PHF20: variants seen among roughly 807,000 people sequenced by gnomAD.
PHF20 encodes the protein glioma-expressed antigen 2.
Under a neutral mutation model 113.5 loss-of-function variants are expected in PHF20, and 23 were observed. The observed-to-expected ratio is 0.20, with a 90% confidence interval of 0.15 to 0.29. The LOEUF (loss-of-function observed/expected upper bound fraction) is 0.29. PHF20 is among the 10% of genes least tolerant of loss of function. The pLI is 1.00. For missense variants in PHF20, 943 were observed against 1,219.6 expected, an observed-to-expected ratio of 0.77 and a Z score of 3.38; for synonymous variants, 434 against 457.3, an observed-to-expected ratio of 0.95 and a Z score of 0.65.
chr20:35,913,380 T>A (rs890359123), intron 11 of PHF20, 33 bp downstream of exon 11: 2 of 1,434,064 alleles, frequency 1.4e-6, no homozygotes, highest in African/African-American at 2.8e-5. Context: ...TCACTTAGGT[T>A]TCCTTACTAT....
chr20:35,893,058 C>T (rs2054905575), intron 9 of PHF20, among the ~76,000 whole-genome samples: 1 of 152,250 alleles, frequency 6.6e-6, no homozygotes, highest in African/African-American at 2.4e-5. Flanking sequence ...TCCGTGCTCA[C>T]TTGAGCCTCT....
intron 16 of PHF20, among the ~76,000 whole-genome samples, chr20:35,939,871 C>T (rs928831733): frequency 6.6e-6 from 1 of 152,184 alleles, no homozygotes; most frequent in African/African-American, 2.4e-5. Context: ...ATTACAAGCC[C>T]CTCAAGGGAG....
intron 2 of PHF20, among the ~76,000 whole-genome samples, chr20:35,833,394 A>G (rs986019949): frequency 6.6e-6 from 1 of 152,102 alleles, no homozygotes; most frequent in African/African-American, 2.4e-5. Flanking sequence ...CAGTTTTGTG[A>G]CTAATTTTGT....
intron 9 of PHF20, among the ~76,000 whole-genome samples, chr20:35,890,892 C>G (rs1352298152): frequency 6.6e-6 from 1 of 151,694 alleles, no homozygotes; most frequent in Non-Finnish European, 1.5e-5. Flanking sequence ...AAAAACAAAA[C>G]AAACAACAAT....
At chr20:35,774,296 C>G (rs965167884) in intron 1 of PHF20, among the ~76,000 whole-genome samples, 1 of 152,016 alleles carries the variant, frequency 6.6e-6, no homozygotes, top group Non-Finnish European at 1.5e-5. Context: ...TGGTCTCGAT[C>G]TCCTGACCTC....
At chr20:35,787,158 A>ATTAT (rs58760101) in intron 1 of PHF20, among the ~76,000 whole-genome samples, 4,572 of 143,882 alleles carry the variant, frequency 0.032, 186 homozygotes, top group African/African-American at 0.1. Context: ...TGCCTGGCTA[A>ATTAT]TTATTTATTT....
chr20:35,922,225 C>G (rs1219960329), intron 13 of PHF20, among the ~76,000 whole-genome samples: 1 of 152,156 alleles, frequency 6.6e-6, no homozygotes, highest in Non-Finnish European at 1.5e-5. Flanking sequence ...GAGTGCCCAC[C>G]TGGCTTTGTG....
At chr20:35,911,788 A>G (rs962449210) in intron 10 of PHF20, among the ~76,000 whole-genome samples, 10 of 151,640 alleles carry the variant, frequency 6.6e-5, no homozygotes. Flanking sequence ...CCTCCCAAGT[A>G]GCTGGGATTA....
chr20:35,798,146 C>G (rs1208177790), intron 1 of PHF20, among the ~76,000 whole-genome samples: 1 of 152,168 alleles, frequency 6.6e-6, no homozygotes, highest in Admixed American at 6.5e-5. Context: ...GGTACCATGG[C>G]TCATGCCTCT....
chr20:35,933,115 T>C (rs2055792561), intron 15 of PHF20, among the ~76,000 whole-genome samples: 1 of 152,174 alleles, frequency 6.6e-6, no homozygotes, highest in African/African-American at 2.4e-5. Flanking sequence ...CTTTTTTTTT[T>C]TTTTAACAAG....
intron 2 of PHF20, among the ~76,000 whole-genome samples, chr20:35,834,225 G>T (rs534163930): frequency 2.0e-5 from 3 of 150,862 alleles, no homozygotes; most frequent in Admixed American, 1.3e-4. Context: ...ATATAGGCAG[G>T]CTGGTTCATT....
chr20:35,857,055 A>C (rs2042842301), intron 4 of PHF20, among the ~76,000 whole-genome samples: 3 of 152,102 alleles, frequency 2.0e-5, no homozygotes, highest in Non-Finnish European at 4.4e-5. Flanking sequence ...TTGTTGTTGC[A>C]TTCTTCGGCT....
intron 1 of PHF20, among the ~76,000 whole-genome samples, chr20:35,792,473 G>C (rs982766702): frequency 6.6e-6 from 1 of 152,220 alleles, no homozygotes; most frequent in South Asian, 2.1e-4. Flanking sequence ...ACAGGCGTGA[G>C]CCACCGTGCC....
intron 2 of PHF20, among the ~76,000 whole-genome samples, chr20:35,832,448 G>A (rs1451774032): frequency 6.6e-6 from 1 of 152,194 alleles, no homozygotes; most frequent in East Asian, 1.9e-4. Context: ...TCCTGGGGAA[G>A]CAGGCCATAA....
At chr20:35,897,234 C>T (rs2055002727) in intron 9 of PHF20, among the ~76,000 whole-genome samples, 1 of 151,696 alleles carries the variant, frequency 6.6e-6, no homozygotes. Context: ...GAGATGGGGT[C>T]TTGCTGAGTT....
chr20:35,872,520 C>CTAAA (rs1158781626), intron 9 of PHF20, among the ~76,000 whole-genome samples: 3 of 152,058 alleles, frequency 2.0e-5, no homozygotes, highest in South Asian at 2.1e-4. Flanking sequence ...GAGACTCAGT[C>CTAAA]TAAATAAATA....
At chr20:35,818,733 CGCTGTGTTGCT>C (rs2042118192) in intron 2 of PHF20, among the ~76,000 whole-genome samples, 1 of 151,924 alleles carries the variant, frequency 6.6e-6, no homozygotes, top group African/African-American at 2.4e-5. Flanking sequence ...GACTGAGTCT[CGCTGTGTTGCT>C]TAGGCTGGTC....
chr20:35,773,145 C>T (rs1409035138), intron 1 of PHF20, among the ~76,000 whole-genome samples: 3 of 152,164 alleles, frequency 2.0e-5, no homozygotes, highest in Non-Finnish European at 4.4e-5. Flanking sequence ...CTTGTGCCCC[C>T]CAAATGTACG....
rs555202768 is a variant in PHF20, at chr20:35,913,357, T to G, written c.1660+10T>G. 18 of 1,573,230 alleles carry G rather than the reference T, an allele frequency of 1.1e-5. No homozygotes were observed. The East Asian group carries it at 3.6e-4, about 31-fold the overall frequency. ...AAGAAAACCAAACCTGGTAATTTTT[T>G]TTCCTGAGGGTTTCACTTAGGTTTC... On this transcript the variant is annotated intron_variant, in intron 11 of 17. Transcript: ENST00000374012.
Sources: allele counts gnomAD v4.1 joint callset (sites outside exome capture counted in the v4.1 genomes callset), GRCh38; gene constraint gnomAD v4.1.1; transcripts MANE v1.5; gene names NCBI Gene and HGNC (gene_info 2026-07-23, HGNC 2026-07-21).